The following LRMDA variants were observed in gnomAD, a reference collection of about 807,000 sequenced individuals.
LRMDA encodes the protein leucine rich melanocyte differentiation associated.
A neutral mutation model predicts 29.8 loss-of-function variants in LRMDA; 18 were observed. The observed-to-expected ratio is 0.60, with a 90% CI of 0.42 to 0.90. LRMDA has a LOEUF of 0.90. LRMDA is among the 40% of genes least tolerant of loss of function. LRMDA has a pLI of 0.00. For missense variants in LRMDA, 273 were observed against 273.9 expected, an observed-to-expected ratio of 1.00 and a Z score of 0.02; for synonymous variants, 125 against 109.4, an observed-to-expected ratio of 1.14 and a Z score of -0.89.
chr10:75,500,290 A>G (rs1483851637), intron 2 of LRMDA, among the ~76,000 whole-genome samples: 7 of 152,216 alleles, frequency 4.6e-5, no homozygotes, highest in African/African-American at 1.7e-4. Flanking sequence ...GACCACTAAG[A>G]TAAATTGTGG....
intron 6 of LRMDA, among the ~76,000 whole-genome samples, chr10:76,416,544 A>G (rs189629666): frequency 6.6e-6 from 1 of 152,228 alleles, no homozygotes; most frequent in African/African-American, 2.4e-5. Flanking sequence ...TAAACAATAA[A>G]TTAACCAGTG....
chr10:76,442,956 C>G (rs1051704816), intron 6 of LRMDA, among the ~76,000 whole-genome samples: 1 of 152,058 alleles, frequency 6.6e-6, no homozygotes, highest in Non-Finnish European at 1.5e-5. Flanking sequence ...CCACCTAGGT[C>G]TCAAAAAATT....
rs966092875 is a variant in LRMDA, at chr10:76,055,962, C to A, written c.399-2704C>A. 3.3e-5 allele frequency among the ~76,000 whole-genome samples: 5 copies of A among 152,244 alleles called. No individual in the cohort carries two copies. The East Asian group carries it at 9.6e-4, about 29-fold the overall frequency. ...TGGCGAGTGGGGGGACATGTTTCAG[C>A]CCTGTTTGTGTTACAGCTCTTTCAG... On this transcript the variant is annotated intron_variant, in intron 4 of 6. Coordinates refer to ENST00000611255, the MANE Select transcript of LRMDA (RefSeq NM_001305581.2).
chr10:76,287,164 T>C (rs1840282160), intron 5 of LRMDA, among the ~76,000 whole-genome samples: 1 of 150,444 alleles, frequency 6.6e-6, no homozygotes, highest in African/African-American at 2.4e-5. Context: ...CTGTTTCACT[T>C]ATCTCTACAT....
At chr10:75,946,926 C>G (rs1846485871) in intron 2 of LRMDA, among the ~76,000 whole-genome samples, 1 of 152,164 alleles carries the variant, frequency 6.6e-6, no homozygotes, top group South Asian at 2.1e-4. Flanking sequence ...TGAACACCTT[C>G]ACGTCACATA....
At chr10:76,402,065 A>G (rs1400982095) in intron 6 of LRMDA, among the ~76,000 whole-genome samples, 1 of 152,154 alleles carries the variant, frequency 6.6e-6, no homozygotes, top group Non-Finnish European at 1.5e-5. Flanking sequence ...GTCCCTGAGT[A>G]TGGTGCAGGA....
intron 2 of LRMDA, among the ~76,000 whole-genome samples, chr10:75,594,866 A>T (rs570337430): frequency 4.1e-4 from 62 of 152,376 alleles, no homozygotes; most frequent in African/African-American, 1.5e-3. Flanking sequence ...TGTTGGCTTG[A>T]AGATGAACTT....
intron 5 of LRMDA, among the ~76,000 whole-genome samples, chr10:76,142,854 A>G (rs1336179257): frequency 3.3e-5 from 5 of 151,224 alleles, no homozygotes; most frequent in African/African-American, 4.9e-5. Context: ...CCCCTACCCA[A>G]CAACAGTCCC....
At chr10:76,357,452 A>G (rs1000395182) in intron 6 of LRMDA, among the ~76,000 whole-genome samples, 9 of 152,158 alleles carry the variant, frequency 5.9e-5, no homozygotes, top group African/African-American at 2.2e-4. Flanking sequence ...TACCTTTTTC[A>G]TATTTATCCA....
intron 2 of LRMDA, among the ~76,000 whole-genome samples, chr10:76,007,002 G>GTGTGTGTGTGTGTGTC (rs1209336458): frequency 3.4e-5 from 3 of 89,348 alleles, no homozygotes; most frequent in Admixed American, 1.2e-4. Flanking sequence ...GTGTGTGTGT[G>GTGTGTGTGTGTGTGTC]TGTGTGTGTG....
At chr10:76,404,312 C>G (rs1841880165) in intron 6 of LRMDA, among the ~76,000 whole-genome samples, 1 of 151,992 alleles carries the variant, frequency 6.6e-6, no homozygotes, top group Non-Finnish European at 1.5e-5. Flanking sequence ...TTCACATTCC[C>G]CAAAAGAAAC....
At chr10:76,196,670 G>A (rs1481797967) in intron 5 of LRMDA, among the ~76,000 whole-genome samples, 5 of 152,168 alleles carry the variant, frequency 3.3e-5, no homozygotes, top group Non-Finnish European at 7.3e-5. Flanking sequence ...TTCTCCAGTT[G>A]ACCTCTCTGT....
At chr10:76,199,327 C>T (rs914853840) in intron 5 of LRMDA, among the ~76,000 whole-genome samples, 6 of 152,130 alleles carry the variant, frequency 3.9e-5, no homozygotes, top group Non-Finnish European at 8.8e-5. Flanking sequence ...TCATATGCCC[C>T]GGTTTAAGGG....
chr10:75,494,038 G>A (rs530145384), intron 2 of LRMDA, among the ~76,000 whole-genome samples: 6 of 152,264 alleles, frequency 3.9e-5, no homozygotes, highest in Admixed American at 1.3e-4. Flanking sequence ...ACAGGCGTCA[G>A]CCACCACGCC....
intron 2 of LRMDA, among the ~76,000 whole-genome samples, chr10:75,561,217 T>C (rs1206752891): frequency 6.6e-6 from 1 of 151,576 alleles, no homozygotes; most frequent in East Asian, 1.9e-4. Context: ...TCAGAGCCTG[T>C]TGTTGGTCTA....
At chr10:75,608,497 AC>A (rs1840987614) in intron 2 of LRMDA, among the ~76,000 whole-genome samples, 1 of 152,124 alleles carries the variant, frequency 6.6e-6, no homozygotes, top group South Asian at 2.1e-4. Flanking sequence ...CCCACCACAC[AC>A]AAAAAATGGT....
intron 5 of LRMDA, 58 bp from the exon 6 acceptor site, chr10:76,324,343 G>A (rs1322567): frequency 4.3e-6 from 6 of 1,394,226 alleles, no homozygotes; most frequent in Middle Eastern, 1.8e-4. Flanking sequence ...GGTAAATGAG[G>A]GTATTTGGTA....
At chr10:75,569,305 C>T (rs1840408696) in intron 2 of LRMDA, among the ~76,000 whole-genome samples, 1 of 152,072 alleles carries the variant, frequency 6.6e-6, no homozygotes, top group Non-Finnish European at 1.5e-5. Context: ...GCCACTATGT[C>T]AGAAAAAAGC....
At chr10:75,661,092 G>T (rs1245101606) in intron 2 of LRMDA, among the ~76,000 whole-genome samples, 3 of 152,178 alleles carry the variant, frequency 2.0e-5, no homozygotes, top group Non-Finnish European at 2.9e-5. Flanking sequence ...TGCTTTGCCA[G>T]CAGCCAGGCG....
Sources: gnomAD v4.1 joint callset for allele counts (sites outside exome capture counted in the v4.1 genomes callset) on GRCh38, gnomAD v4.1.1 for gene constraint, MANE v1.5 for transcripts, NCBI Gene and HGNC (gene_info 2026-07-23, HGNC 2026-07-21) for gene names.